Variants in PPHLN1 observed in about 807,000 individuals in gnomAD.
The protein encoded by PPHLN1 is periphilin 1, also known as periphilin-1.
A neutral mutation model predicts 51.3 loss-of-function variants in PPHLN1; 29 were observed. The observed-to-expected ratio is 0.57, with a 90% CI of 0.42 to 0.77. The LOEUF is 0.77. Ranked by LOEUF, PPHLN1 falls within the 30% of genes least tolerant of loss-of-function variation. The probability of loss-of-function intolerance (pLI) is 0.00; values close to 1 mark genes in which losing one functional copy is unlikely to be tolerated. For missense variants in PPHLN1, 436 were observed against 438.4 expected (o/e 0.99, Z 0.05); for synonymous variants, 147 against 147.8 (o/e 0.99, Z 0.04).
intron 4 of PPHLN1, among the ~76,000 whole-genome samples, chr12:42,372,098 T>C (rs1315932964): frequency 6.6e-6 from 1 of 152,164 alleles, no homozygotes; most frequent in African/African-American, 2.4e-5. Flanking sequence ...CCTATAGTGC[T>C]GTTCATATGG....
At chr12:42,402,891 T>C (rs2078965875) in intron 9 of PPHLN1, among the ~76,000 whole-genome samples, 1 of 152,212 alleles carries the variant, frequency 6.6e-6, no homozygotes, top group East Asian at 1.9e-4. Context: ...TTTCAGCTAC[T>C]ACTCATTGTC....
chr12:42,376,714 G>A (rs1293439647), intron 5 of PPHLN1, among the ~76,000 whole-genome samples: 2 of 152,110 alleles, frequency 1.3e-5, no homozygotes, highest in African/African-American at 4.8e-5. Flanking sequence ...CTTGAGCCCA[G>A]GAGGTTGAAC....
At chr12:42,427,255 T>C (rs1042663378) in intron 9 of PPHLN1, among the ~76,000 whole-genome samples, 1 of 152,202 alleles carries the variant, frequency 6.6e-6, no homozygotes, top group Admixed American at 6.5e-5. Flanking sequence ...TCTCAAATAT[T>C]TCTTTTGTAA....
downstream of PPHLN1, chr12:42,445,479 G>A (rs1036738436): frequency 1.3e-5 from 3 of 234,372 alleles, no homozygotes; most frequent in South Asian, 6.8e-5. Flanking sequence ...ACATGTATCC[G>A]TTGACACCTA....
chr12:42,440,878 CA>C (rs1359621159), intron 9 of PPHLN1, among the ~76,000 whole-genome samples: 1 of 152,226 alleles, frequency 6.6e-6, no homozygotes, highest in Non-Finnish European at 1.5e-5. Context: ...CGCACCCGGC[CA>C]CTAAACAGAA....
chr12:42,347,150 T>C (rs2072468466), intron 2 of PPHLN1: 1 of 152,280 alleles, frequency 6.6e-6, no homozygotes, highest in Non-Finnish European at 1.5e-5. Context: ...TATTGGCTAC[T>C]GTTCTCCCAG....
intron 9 of PPHLN1, among the ~76,000 whole-genome samples, chr12:42,408,178 C>T (rs987898507): frequency 1.3e-5 from 2 of 152,008 alleles, no homozygotes; most frequent in African/African-American, 2.4e-5. Context: ...GAGCTGGATG[C>T]TTATTGATCT....
intron 9 of PPHLN1, among the ~76,000 whole-genome samples, chr12:42,406,952 G>A (rs1342096271): frequency 6.6e-6 from 1 of 152,038 alleles, no homozygotes; most frequent in Non-Finnish European, 1.5e-5. Context: ...ACCATTTGTT[G>A]GAAAGATCAT....
At chr12:42,375,264 G>T in intron 5 of PPHLN1, 190 bp downstream of exon 5, 2 of 375,320 alleles carry the variant, frequency 5.3e-6, no homozygotes, top group Non-Finnish European at 4.8e-6. Flanking sequence ...CAAACTATTT[G>T]AAGTGGCATT....
In PPHLN1 at chr12:42,441,662, A is replaced by G; in HGVS notation, c.*153A>G. 7.7e-7 allele frequency: 1 copy of G among 1,291,260 alleles called. No homozygotes were observed. The highest frequency in any genetic ancestry group is 2.3e-5 in the South Asian group (1 of 43,926). 80.0% of individuals were successfully genotyped at this position (1,291,260 alleles called of 1,614,324 possible). ...TCAGTATTAAATAAACATCTAAAATAGTCTGTTTAAAATGTTTGATTCAAA... is the reference window on the plus strand; with the variant it reads ...TCAGTATTAAATAAACATCTAAAATGGTCTGTTTAAAATGTTTGATTCAAA... On this transcript the variant is annotated 3_prime_UTR_variant, in exon 10 of 10. Coordinates refer to ENST00000358314, the MANE Select transcript of PPHLN1 (RefSeq NM_201439.2).
chr12:42,330,174 A>T (rs1169306196), intron 1 of PPHLN1, among the ~76,000 whole-genome samples: 2 of 152,244 alleles, frequency 1.3e-5, no homozygotes, highest in Non-Finnish European at 2.9e-5. Context: ...CATTGCCACC[A>T]GCATATCTCG....
At chr12:42,343,614 T>C (rs1369711036) in intron 2 of PPHLN1, among the ~76,000 whole-genome samples, 1 of 152,226 alleles carries the variant, frequency 6.6e-6, no homozygotes, top group African/African-American at 2.4e-5. Flanking sequence ...ATGGGAAAAT[T>C]ACATACATGA....
At chr12:42,345,783 T>G (rs1338923820) in intron 2 of PPHLN1, among the ~76,000 whole-genome samples, 2 of 152,036 alleles carry the variant, frequency 1.3e-5, no homozygotes, top group Non-Finnish European at 2.9e-5. Context: ...TATTTTTTGA[T>G]TACTTGAAAA....
chr12:42,388,615 C>G (rs778561020), intron 7 of PPHLN1, among the ~76,000 whole-genome samples: 111 of 152,226 alleles, frequency 7.3e-4, no homozygotes, highest in Non-Finnish European at 1.2e-3. Context: ...ACTTTTCTTT[C>G]TCTATACTTT....
At chr12:42,420,386 G>T (rs1332385056) in intron 9 of PPHLN1, among the ~76,000 whole-genome samples, 4 of 151,378 alleles carry the variant, frequency 2.6e-5, no homozygotes, top group Non-Finnish European at 5.9e-5. Context: ...GTCTCTTTGT[G>T]TGTGTGTGTT....
At chr12:42,401,971 C>T (rs1277248763) in intron 9 of PPHLN1, among the ~76,000 whole-genome samples, 1 of 152,116 alleles carries the variant, frequency 6.6e-6, no homozygotes, top group Non-Finnish European at 1.5e-5. Flanking sequence ...ACTCCCACCT[C>T]ACCCTCCTGA....
chr12:42,397,437 C>G, intron 8 of PPHLN1, among the ~76,000 whole-genome samples: 1 of 152,132 alleles, frequency 6.6e-6, no homozygotes, highest in East Asian at 1.9e-4. Flanking sequence ...CTAATGAGCT[C>G]TTTTAAATTA....
intron 2 of PPHLN1, among the ~76,000 whole-genome samples, chr12:42,346,601 G>C (rs151160820): frequency 6.6e-6 from 1 of 152,172 alleles, no homozygotes; most frequent in Admixed American, 6.5e-5. Flanking sequence ...TGGGTATACA[G>C]TATACCCAGA....
chr12:42,441,693 G>C lies in PPHLN1; in HGVS notation c.*184G>C. 1 of 1,271,258 alleles carries C rather than the reference G, an allele frequency of 7.9e-7. No individual in the cohort carries two copies. The highest frequency in any genetic ancestry group is 1.5e-5 in the African/African-American group (1 of 65,038). 78.7% of individuals were successfully genotyped at this position (1,271,258 alleles called of 1,614,324 possible). A position where few individuals can be genotyped will look rare whatever the true frequency, so the allele number is the denominator to read the frequency against. The stretch of plus-strand genomic sequence containing the variant: ...TTTAAAATGTTTGATTCAAATTTTT[G>C]TATTTTTTGTAGAGATGGGGTTCAC... On this transcript the variant is annotated 3_prime_UTR_variant, in exon 10 of 10. Coordinates refer to ENST00000358314, the MANE Select transcript of PPHLN1 (RefSeq NM_201439.2).
Sources: allele counts gnomAD v4.1 joint callset (sites outside exome capture counted in the v4.1 genomes callset), GRCh38; gene constraint gnomAD v4.1.1; transcripts MANE v1.5; gene names NCBI Gene and HGNC (gene_info 2026-07-23, HGNC 2026-07-21).